The following ADGRL2 variants were observed in gnomAD, a reference collection of about 807,000 sequenced individuals.
ADGRL2 encodes the protein adhesion G protein-coupled receptor L2.
Under a neutral mutation model 157.4 loss-of-function variants are expected in ADGRL2, and 44 were observed. The ratio of observed to expected loss-of-function variants is 0.28; its 90% CI spans 0.22 to 0.36. The LOEUF is 0.36. Ranked by LOEUF, ADGRL2 falls within the 10% of genes least tolerant of loss-of-function variation. ADGRL2 has a pLI of 1.00. For missense variants in ADGRL2, 1,510 were observed against 1,768.9 expected, an observed-to-expected ratio of 0.85 and a Z score of 2.63; for synonymous variants, 585 against 624.7, an observed-to-expected ratio of 0.94 and a Z score of 0.95.
intron 1 of ADGRL2, among the ~76,000 whole-genome samples, chr1:81,341,094 A>T (rs1342909793): frequency 6.6e-6 from 1 of 152,174 alleles, no homozygotes; most frequent in African/African-American, 2.4e-5. Context: ...TTTCTTGATA[A>T]CATATCCCTG....
chr1:81,405,631 CAAAAA>C (rs35052629), intron 1 of ADGRL2, among the ~76,000 whole-genome samples: 2 of 119,278 alleles, frequency 1.7e-5, no homozygotes, highest in Non-Finnish European at 3.5e-5. Context: ...GCCTGAATGA[CAAAAA>C]AAAAAAAAAG....
At chr1:81,557,243 C>T in intron 2 of ADGRL2, 1 of 192,354 alleles carries the variant, frequency 5.2e-6, no homozygotes. Context: ...GCACCTGGTG[C>T]CAGCGGCTCA....
intron 6 of ADGRL2, among the ~76,000 whole-genome samples, chr1:81,948,328 A>T (rs1484051947): frequency 6.6e-6 from 1 of 152,062 alleles, no homozygotes; most frequent in Non-Finnish European, 1.5e-5. Context: ...CATTTAATTG[A>T]GGTCCTTTTA....
intron 3 of ADGRL2, among the ~76,000 whole-genome samples, chr1:81,656,764 C>T (rs1032462952): frequency 4.6e-5 from 7 of 152,058 alleles, no homozygotes; most frequent in Non-Finnish European, 8.8e-5. Context: ...AATACAAACA[C>T]TTTGGGAGGC....
intron 1 of ADGRL2, among the ~76,000 whole-genome samples, chr1:81,821,176 A>G (rs1334717728): frequency 6.6e-6 from 1 of 152,252 alleles, no homozygotes; most frequent in Non-Finnish European, 1.5e-5. Flanking sequence ...ATCCTTAAAA[A>G]GACATTTTTA....
chr1:81,947,112 A>T (rs940678592), intron 6 of ADGRL2, among the ~76,000 whole-genome samples: 3 of 152,176 alleles, frequency 2.0e-5, no homozygotes, highest in African/African-American at 7.2e-5. Context: ...ATCCTAAGTC[A>T]GTGCATGAGT....
At position 81,963,761 on chromosome 1, in the gene ADGRL2, G is replaced by T. The variant is rs572852671; in HGVS notation, c.2018-2297G>T. On this transcript the variant is annotated intron_variant, in intron 11 of 23. Transcript: ENST00000686636. ...ATTTGTCCAGGATATTATAAAATGT[G>T]TGTATATTTTATTAAAGATTTTTTG... Among the ~76,000 whole-genome samples the T allele has an allele frequency of 3.3e-5, 5 of 151,326 alleles. No homozygotes were observed. The East Asian group carries it at 9.8e-4, about 30-fold the overall frequency.
intron 1 of ADGRL2, among the ~76,000 whole-genome samples, chr1:81,737,082 C>A (rs2084926736): frequency 6.6e-6 from 1 of 152,108 alleles, no homozygotes; most frequent in Non-Finnish European, 1.5e-5. Flanking sequence ...GATCCACCTG[C>A]CTCGGCCTCC....
intron 1 of ADGRL2, among the ~76,000 whole-genome samples, chr1:81,714,409 A>T (rs1260477945): frequency 6.6e-6 from 1 of 152,148 alleles, no homozygotes; most frequent in Non-Finnish European, 1.5e-5. Context: ...GCATCAAGGT[A>T]TTTCTTTATT....
In ADGRL2 at chr1:81,767,854, CA is replaced by C. The variant is rs71592741; in HGVS notation, c.-101+6016del. ...GCCTGGAGGAAGTGAGATCCTGTCT[CA>C]AAAAAAAAAAAAAGAAAAAAAAAAA... On this transcript the variant is annotated intron_variant, in intron 2 of 20. Coordinates refer to the ADGRL2 transcript ENST00000359929. 5.5e-3 allele frequency among the ~76,000 whole-genome samples: 458 copies of C among 83,978 alleles called. 4 individuals carry two copies. The South Asian group carries it at 0.064, about 12-fold the overall frequency. 55.1% of individuals were successfully genotyped at this position (83,978 alleles called of 152,430 possible).
chr1:81,853,368 T>C (rs1181474186), intron 2 of ADGRL2, among the ~76,000 whole-genome samples: 5 of 152,132 alleles, frequency 3.3e-5, no homozygotes, highest in Non-Finnish European at 7.4e-5. Flanking sequence ...CAGGTGCTTA[T>C]GTGGCAAGAG....
intron 1 of ADGRL2, among the ~76,000 whole-genome samples, chr1:81,370,623 A>T (rs1278596375): frequency 1.3e-5 from 2 of 152,176 alleles, no homozygotes; most frequent in Non-Finnish European, 2.9e-5. Context: ...CCTACAAAAA[A>T]GTTTTCAGAT....
At chr1:81,871,289 A>T (rs994218448) in intron 2 of ADGRL2, among the ~76,000 whole-genome samples, 1 of 151,904 alleles carries the variant, frequency 6.6e-6, no homozygotes, top group Non-Finnish European at 1.5e-5. Context: ...GCTGCATAGT[A>T]TTCCATGGTG....
chr1:81,985,947 A>G (rs1282600801), intron 21 of ADGRL2, among the ~76,000 whole-genome samples: 11 of 151,994 alleles, frequency 7.2e-5, no homozygotes. Context: ...TTATTACACT[A>G]TTTTCAGTTT....
upstream of ADGRL2, among the ~76,000 whole-genome samples, chr1:81,799,111 G>A (rs1334443732): frequency 2.0e-5 from 3 of 152,070 alleles, no homozygotes; most frequent in Non-Finnish European, 2.9e-5. Context: ...TCTTTTCAAC[G>A]ACTTGAAGTA....
At chr1:81,687,667 T>TA (rs1257664348) in intron 3 of ADGRL2, among the ~76,000 whole-genome samples, 4 of 152,220 alleles carry the variant, frequency 2.6e-5, no homozygotes, top group African/African-American at 7.2e-5. Context: ...GAGGTATTGT[T>TA]ACATTCATTG....
chr1:81,449,193 G>A (rs2077660147), intron 2 of ADGRL2, among the ~76,000 whole-genome samples: 1 of 150,834 alleles, frequency 6.6e-6, no homozygotes, highest in Non-Finnish European at 1.5e-5. Context: ...GATACATAGT[G>A]CTTTTGGGGG....
chr1:81,488,042 ATGC>A (rs2078546806), intron 2 of ADGRL2, among the ~76,000 whole-genome samples: 1 of 152,142 alleles, frequency 6.6e-6, no homozygotes, highest in Non-Finnish European at 1.5e-5. Context: ...TTGTTACTGC[ATGC>A]TACCCCTGCC....
chr1:81,882,008 C>G (rs746068499), intron 2 of ADGRL2, among the ~76,000 whole-genome samples: 43 of 152,102 alleles, frequency 2.8e-4, no homozygotes, highest in Non-Finnish European at 5.7e-4. Context: ...TAATGGGCCT[C>G]TCTTCTTTCC....
Sources: gnomAD v4.1 joint callset for allele counts (sites outside exome capture counted in the v4.1 genomes callset) on GRCh38, gnomAD v4.1.1 for gene constraint, MANE v1.5 for transcripts, NCBI Gene and HGNC (gene_info 2026-07-23, HGNC 2026-07-21) for gene names.